Variants in COG7 observed in about 807,000 individuals in gnomAD.
The protein encoded by COG7 is conserved oligomeric Golgi complex subunit 7.
A neutral mutation model predicts 91.5 loss-of-function variants in COG7; 49 were observed. That is an observed-to-expected ratio of 0.54 (90% CI 0.43 to 0.68). The LOEUF (loss-of-function observed/expected upper bound fraction) is 0.68. COG7 is among the 30% of genes least tolerant of loss of function. The probability of loss-of-function intolerance (pLI) is 0.00; values close to 1 mark genes in which losing one functional copy is unlikely to be tolerated. For synonymous variants in COG7, 365 were observed against 388.7 expected, an observed-to-expected ratio of 0.94 and a Z score of 0.72; for missense variants, 895 against 961.3, an observed-to-expected ratio of 0.93 and a Z score of 0.91.
chr16:23,438,059 T>A (rs1964039424), intron 4 of COG7, among the ~76,000 whole-genome samples: 1 of 138,860 alleles, frequency 7.2e-6, no homozygotes, highest in African/African-American at 2.7e-5. Flanking sequence ...CACTTCAGCC[T>A]GGAGACAGAG....
intron 3 of COG7, among the ~76,000 whole-genome samples, chr16:23,443,935 T>C (rs2142095042): frequency 6.6e-6 from 1 of 152,134 alleles, no homozygotes; most frequent in East Asian, 1.9e-4. Context: ...GCAGATCACC[T>C]GAGGTCAGTA....
At position 23,388,770 on chromosome 16, in the gene COG7, G is replaced by A. The variant is rs1372288548; in HGVS notation, c.*150C>T. 1 of 1,411,962 alleles carries A rather than the reference G, an allele frequency of 7.1e-7. No individual in the cohort carries two copies. The highest frequency in any genetic ancestry group is 2.6e-5 in the East Asian group (1 of 38,436). The allele number at this position is 1,411,962 out of a possible 1,614,324, so 87.5% of individuals were successfully genotyped here. On this transcript the variant is annotated 3_prime_UTR_variant, in exon 17 of 17. Transcript: ENST00000307149. ...CTGGCTTGGCCTCCCAAAGTGCTGG[G>A]ATTACAGGCGTGAGCCACCGTGACC...
chr16:23,452,653 C>T, intron 1 of COG7, 173 bp downstream of exon 1: 1 of 1,414,332 alleles, frequency 7.1e-7, no homozygotes, highest in Middle Eastern at 2.6e-4. Flanking sequence ...GACAGCCCGG[C>T]ACCCAGCTGA....
intron 4 of COG7, 64 bp from the exon 5 acceptor site, chr16:23,434,782 T>C (rs900170726): frequency 7.1e-6 from 8 of 1,119,510 alleles, no homozygotes; most frequent in African/African-American, 1.5e-5. Flanking sequence ...GAGAAAAAAC[T>C]CACCAGGATG....
At chr16:23,404,520 C>G (rs903110797) in intron 12 of COG7, among the ~76,000 whole-genome samples, 7 of 152,222 alleles carry the variant, frequency 4.6e-5, no homozygotes, top group Non-Finnish European at 1.0e-4. Flanking sequence ...GTTGGTGGGT[C>G]AAGGTGCAAA....
At chr16:23,439,425 A>C (rs1964065874) in intron 4 of COG7, among the ~76,000 whole-genome samples, 1 of 152,196 alleles carries the variant, frequency 6.6e-6, no homozygotes, top group African/African-American at 2.4e-5. Flanking sequence ...TGATCATTCT[A>C]GCATTCTTCA....
intron 4 of COG7, among the ~76,000 whole-genome samples, chr16:23,436,422 C>G (rs1182783701): frequency 1.3e-5 from 2 of 152,032 alleles, no homozygotes; most frequent in East Asian, 3.9e-4. Context: ...ACAAATTTAT[C>G]AGAGAATTCC....
rs1964294221 is a variant in COG7 at position 23,453,115 on chromosome 16, A to G, written c.-121T>C. The G allele has an allele frequency of 2.0e-6, 3 of 1,523,112 alleles. No homozygotes were observed. Among genetic ancestry groups the G allele is most frequent in the Middle Eastern group, 2.2e-4 (1 of 4,506 alleles). The allele number at this position is 1,523,112 out of a possible 1,614,324, so 94.3% of individuals were successfully genotyped here. The stretch of plus-strand genomic sequence containing the variant: ...GCTAGCCTCCGAGGCGAACCCCAGA[A>G]ACGCCAGGACGGGTAACTTGCCCCT... On this transcript the variant is annotated 5_prime_UTR_variant, in exon 1 of 17. Transcript: ENST00000307149.
chr16:23,413,105 A>G (rs1370718223), intron 10 of COG7: 2 of 313,268 alleles, frequency 6.4e-6, no homozygotes, highest in Non-Finnish European at 1.2e-5. Flanking sequence ...TGCATTTTCT[A>G]ATACATAAGC....
Position 23,392,189 on chromosome 16 carries a change from G to A in COG7, c.2146+191C>T, listed in dbSNP as rs250583. On this transcript the variant is annotated intron_variant, in intron 16 of 16. Coordinates refer to ENST00000307149, the MANE Select transcript of COG7 (RefSeq NM_153603.4). ...CGAAAACATAGATGTCTGAGCTTCA[G>A]CCCGGTCTTGCTAAGTCAGAATCTC... 0.23 allele frequency: 333,447 copies of A among 1,476,274 alleles called. 42,501 individuals carry two copies. The highest frequency in any genetic ancestry group is 0.53 in the African/African-American group (37,892 of 71,528). The allele number at this position is 1,476,274 out of a possible 1,614,324, so 91.4% of individuals were successfully genotyped here. A position where few individuals can be genotyped will look rare whatever the true frequency, so the allele number is the denominator to read the frequency against.
chr16:23,420,463 C>G (rs1963735915), intron 7 of COG7, among the ~76,000 whole-genome samples: 1 of 152,200 alleles, frequency 6.6e-6, no homozygotes, highest in Admixed American at 6.5e-5. Context: ...CATCCTCCTT[C>G]CCTCTTCCTC....
chr16:23,443,861 T>C (rs1468332038), intron 3 of COG7, among the ~76,000 whole-genome samples: 1 of 151,446 alleles, frequency 6.6e-6, no homozygotes, highest in East Asian at 2.0e-4. Flanking sequence ...ACAAGAAAAA[T>C]TAGCCCCCGG....
At chr16:23,421,148 T>A (rs1596934633) in intron 7 of COG7, among the ~76,000 whole-genome samples, 1 of 151,834 alleles carries the variant, frequency 6.6e-6, no homozygotes, top group Non-Finnish European at 1.5e-5. Context: ...CCTAAATTTT[T>A]AAAAATTTAC....
chr16:23,448,077 T>A (rs1297251144), intron 1 of COG7, among the ~76,000 whole-genome samples: 1 of 152,046 alleles, frequency 6.6e-6, no homozygotes, highest in Non-Finnish European at 1.5e-5. Flanking sequence ...GTCCTCCAAT[T>A]TGGGGTCCTC....
At chr16:23,425,565 C>T (rs1963833169) in intron 6 of COG7, among the ~76,000 whole-genome samples, 1 of 151,990 alleles carries the variant, frequency 6.6e-6, no homozygotes, top group Non-Finnish European at 1.5e-5. Context: ...GTCTCAAACT[C>T]CTAGCCTCAA....
chr16:23,435,816 G>A lies in COG7; in HGVS notation c.605-1098C>T, dbSNP rs556531830. On this transcript the variant is annotated intron_variant, in intron 4 of 16. Coordinates refer to ENST00000307149, the MANE Select transcript of COG7 (RefSeq NM_153603.4). ...CTGTGGGACACCCAGCTAAGCGCTG[G>A]AGACCTGCCAGTGGAACTTGACTTA... 1.1e-4 allele frequency among the ~76,000 whole-genome samples: 16 copies of A among 152,372 alleles called. No individual in the cohort carries two copies. In the South Asian group the frequency reaches 3.1e-3, roughly 30 times the overall value.
chr16:23,393,166 T>G, intron 15 of COG7, 67 bp downstream of exon 15: 1 of 1,130,826 alleles, frequency 8.8e-7, no homozygotes, highest in South Asian at 1.3e-5. Context: ...TAAGGTGTCA[T>G]CTGGAGTTTC....
At chr16:23,439,738 T>C (rs1033921525) in intron 4 of COG7, among the ~76,000 whole-genome samples, 7 of 152,166 alleles carry the variant, frequency 4.6e-5, no homozygotes, top group African/African-American at 1.7e-4. Flanking sequence ...GAAATTTCAG[T>C]TCAGAAAGAT....
At chr16:23,418,467 C>T (rs1009126556) in intron 8 of COG7, among the ~76,000 whole-genome samples, 2 of 152,174 alleles carry the variant, frequency 1.3e-5, no homozygotes, top group Admixed American at 6.6e-5. Flanking sequence ...ATCAATCGCA[C>T]CACTACACTC....
Sources: gnomAD v4.1 joint callset for allele counts (sites outside exome capture counted in the v4.1 genomes callset) on GRCh38, gnomAD v4.1.1 for gene constraint, MANE v1.5 for transcripts, NCBI Gene and HGNC (gene_info 2026-07-23, HGNC 2026-07-21) for gene names.